WWOX: variants seen among roughly 807,000 people sequenced by gnomAD.
WWOX encodes WW domain containing oxidoreductase.
A neutral mutation model predicts 46.2 loss-of-function variants in WWOX; 69 were observed. The ratio of observed to expected loss-of-function variants is 1.49; its 90% CI spans 1.23 to 1.82. The LOEUF is 1.82. Among genes scored for constraint, WWOX ranks in the 40% most tolerant of loss-of-function variants. The pLI is 0.00. For synonymous variants in WWOX, 359 were observed against 202.6 expected, an observed-to-expected ratio of 1.77 and a Z score of -6.56; for missense variants, 919 against 542.6, an observed-to-expected ratio of 1.69 and a Z score of -6.89.
intron 8 of WWOX, among the ~76,000 whole-genome samples, chr16:78,849,975 G>A (rs1299797332): frequency 6.6e-6 from 1 of 152,112 alleles, no homozygotes; most frequent in Non-Finnish European, 1.5e-5. Context: ...GGGAGGCTGA[G>A]GCAGGAGAAT....
Position 79,202,451 on chromosome 16 carries a change from T to G in WWOX, c.1057-9157T>G, listed in dbSNP as rs550579053. ...AGATCCAAAGAAACCTACCTTGTGA[T>G]TCTAGATGTTTTTTAGGAAACCCAA... On this transcript the variant is annotated intron_variant, in intron 8 of 8. Transcript: ENST00000566780. 1.8e-3 allele frequency among the ~76,000 whole-genome samples: 275 copies of G among 152,326 alleles called. 1 individual carries two copies. Among genetic ancestry groups the G allele is most frequent in the Non-Finnish European group, 3.5e-3 (241 of 68,022 alleles).
intron 8 of WWOX, among the ~76,000 whole-genome samples, chr16:78,651,875 G>C (rs1340614532): frequency 6.6e-6 from 1 of 152,152 alleles, no homozygotes; most frequent in African/African-American, 2.4e-5. Flanking sequence ...TGTGTAGAAT[G>C]GGGAGTATTG....
chr16:78,662,633 A>T (rs2047243090), intron 8 of WWOX, among the ~76,000 whole-genome samples: 1 of 152,172 alleles, frequency 6.6e-6, no homozygotes, highest in Admixed American at 6.5e-5. Flanking sequence ...TAAAAAACAT[A>T]AAACAACATA....
chr16:78,321,369 T>C (rs1284287237), intron 5 of WWOX, among the ~76,000 whole-genome samples: 4 of 58,756 alleles, frequency 6.8e-5, no homozygotes, highest in South Asian at 8.9e-4. Flanking sequence ...CGTATATATA[T>C]ACGTATATAT....
intron 8 of WWOX, among the ~76,000 whole-genome samples, chr16:78,732,327 A>G (rs1248104066): frequency 1.3e-5 from 2 of 152,166 alleles, no homozygotes; most frequent in Non-Finnish European, 2.9e-5. Context: ...CCACCATGCC[A>G]TGAGGAAACT....
At chr16:79,159,917 GGGGT>G (rs762197149) in intron 8 of WWOX, among the ~76,000 whole-genome samples, 1 of 152,146 alleles carries the variant, frequency 6.6e-6, no homozygotes, top group Non-Finnish European at 1.5e-5. Context: ...TTCATTTGGA[GGGGT>G]GATCTGACTC....
chr16:78,312,310 C>G (rs1337149396), intron 5 of WWOX, among the ~76,000 whole-genome samples: 1 of 150,886 alleles, frequency 6.6e-6, no homozygotes, highest in African/African-American at 2.4e-5. Context: ...GCTTCTTTCT[C>G]CGTTGAAAAC....
At chr16:79,149,629 C>T (rs763418769) in intron 8 of WWOX, among the ~76,000 whole-genome samples, 1 of 152,162 alleles carries the variant, frequency 6.6e-6, no homozygotes, top group Admixed American at 6.5e-5. Flanking sequence ...GCATAAGAAC[C>T]AATGAGCATT....
intron 8 of WWOX, among the ~76,000 whole-genome samples, chr16:79,132,563 A>G (rs1019777626): frequency 1.3e-5 from 2 of 152,020 alleles, no homozygotes; most frequent in Non-Finnish European, 2.9e-5. Flanking sequence ...GATAGCAGCA[A>G]CCTTTCCATT....
At chr16:78,631,478 T>C (rs370827097) in intron 8 of WWOX, among the ~76,000 whole-genome samples, 15 of 152,160 alleles carry the variant, frequency 9.9e-5, no homozygotes, top group East Asian at 3.9e-4. Flanking sequence ...ATCAGTTTAA[T>C]TTATATGATT....
intron 8 of WWOX, among the ~76,000 whole-genome samples, chr16:78,593,883 A>C (rs2045411859): frequency 1.3e-5 from 2 of 152,162 alleles, no homozygotes; most frequent in South Asian, 4.2e-4. Flanking sequence ...GCTGTAGACA[A>C]ACAAAAATGA....
intron 4 of WWOX, among the ~76,000 whole-genome samples, chr16:78,119,351 C>T (rs918491847): frequency 6.6e-6 from 1 of 152,192 alleles, no homozygotes; most frequent in Non-Finnish European, 1.5e-5. Flanking sequence ...CGTTTTTAGA[C>T]ACAGCCTATC....
At chr16:78,333,308 C>T (rs1193869798) in intron 5 of WWOX, among the ~76,000 whole-genome samples, 1 of 133,630 alleles carries the variant, frequency 7.5e-6, no homozygotes, top group African/African-American at 2.5e-5. Flanking sequence ...CTTGGCCTGC[C>T]AAAGTGCTGG....
At chr16:78,612,448 G>T (rs771223218) in intron 8 of WWOX, among the ~76,000 whole-genome samples, 3 of 152,168 alleles carry the variant, frequency 2.0e-5, no homozygotes, top group African/African-American at 7.2e-5. Flanking sequence ...CTGCAGGTGC[G>T]GGTGGCTCTT....
intron 8 of WWOX, among the ~76,000 whole-genome samples, chr16:78,808,352 C>T (rs994017814): frequency 6.6e-5 from 10 of 152,164 alleles, no homozygotes; most frequent in Admixed American, 6.5e-5. Flanking sequence ...GTATTTTATT[C>T]TAGGTAGGGT....
At chr16:79,014,341 A>C (rs570156361) in intron 8 of WWOX, among the ~76,000 whole-genome samples, 5 of 152,262 alleles carry the variant, frequency 3.3e-5, no homozygotes, top group Admixed American at 1.3e-4. Context: ...TCGGGCAGTG[A>C]CATGTTATTA....
intron 8 of WWOX, among the ~76,000 whole-genome samples, chr16:78,597,952 T>C (rs2045530238): frequency 6.6e-6 from 1 of 152,138 alleles, no homozygotes; most frequent in Non-Finnish European, 1.5e-5. Context: ...TGTTTTGCGG[T>C]ATGCCCTTTA....
chr16:78,457,426 C>T (rs1244871297), intron 8 of WWOX, among the ~76,000 whole-genome samples: 6 of 152,278 alleles, frequency 3.9e-5, no homozygotes, highest in Middle Eastern at 3.4e-3. Flanking sequence ...GTGTCTTCCA[C>T]GTACGTCCTG....
intron 8 of WWOX, among the ~76,000 whole-genome samples, chr16:78,612,865 T>G (rs1431413654): frequency 6.6e-6 from 1 of 152,220 alleles, no homozygotes; most frequent in Admixed American, 6.5e-5. Context: ...CTCTAAGGCA[T>G]TCAGCATAGT....
Sources: allele counts gnomAD v4.1 joint callset (sites outside exome capture counted in the v4.1 genomes callset), GRCh38; gene constraint gnomAD v4.1.1; transcripts MANE v1.5; gene names NCBI Gene and HGNC (gene_info 2026-07-23, HGNC 2026-07-21).